Variants in DNAH5 observed in about 807,000 individuals in gnomAD.
DNAH5 encodes axonemal beta dynein heavy chain 5.
A neutral mutation model predicts 518.2 loss-of-function variants in DNAH5; 372 were observed. The observed-to-expected ratio is 0.72, with a 90% confidence interval of 0.66 to 0.78. DNAH5 has a LOEUF of 0.78. Among genes scored for constraint, DNAH5 ranks in the 30% least tolerant of loss-of-function variants. The probability of loss-of-function intolerance (pLI) is 0.00; values close to 1 mark genes in which losing one functional copy is unlikely to be tolerated. For synonymous variants in DNAH5, 2,039 were observed against 2,025.9 expected (o/e 1.01, Z -0.17); for missense variants, 5,523 against 5,687.0 (o/e 0.97, Z 0.93).
intron 61 of DNAH5, among the ~76,000 whole-genome samples, chr5:13,758,247 T>C (rs1437737527): frequency 6.6e-6 from 1 of 152,158 alleles, no homozygotes; most frequent in African/African-American, 2.4e-5. Context: ...CTCACACCTG[T>C]AATCCCAACC....
chr5:13,963,140 T>C (rs896271214), intron 1 of DNAH5, among the ~76,000 whole-genome samples: 10 of 152,100 alleles, frequency 6.6e-5, no homozygotes, highest in Admixed American at 3.9e-4. Context: ...TAAAAAGCCA[T>C]ATTTGCTCAT....
chr5:13,921,473 T>TCTCA lies in DNAH5; in HGVS notation c.660+630_660+633dup, dbSNP rs1554103972. ...CTCTCTCTCTCTTGCTCTATCTCTC[T>TCTCA]CTCACACACACACACACACACACAC... On this transcript the variant is annotated intron_variant, in intron 5 of 78. Transcript: ENST00000265104. Among the ~76,000 whole-genome samples the TCTCA allele has an allele frequency of 3.3e-3, 191 of 57,816 alleles. 1 individual carries two copies. Among genetic ancestry groups the TCTCA allele is most frequent in the African/African-American group, 0.01 (157 of 15,430 alleles). The allele number at this position is 57,816 out of a possible 152,430, so 37.9% of individuals were successfully genotyped here.
intron 61 of DNAH5, among the ~76,000 whole-genome samples, chr5:13,756,520 G>A (rs1264796023): frequency 6.6e-6 from 1 of 152,136 alleles, no homozygotes; most frequent in African/African-American, 2.4e-5. Context: ...ATAATAAAGT[G>A]AGAAGGTAAA....
At chr5:13,842,476 A>AAAGAAAGAAAGT (rs1765394980) in intron 32 of DNAH5, among the ~76,000 whole-genome samples, 1 of 123,032 alleles carries the variant, frequency 8.1e-6, no homozygotes, top group Non-Finnish European at 1.7e-5. Flanking sequence ...AGAAAGAAAG[A>AAAGAAAGAAAGT]AAGAAAGAGA....
intron 1 of DNAH5, among the ~76,000 whole-genome samples, chr5:13,962,993 C>T (rs1164622476): frequency 6.6e-6 from 1 of 152,142 alleles, no homozygotes; most frequent in Non-Finnish European, 1.5e-5. Flanking sequence ...GTCCCAAGAG[C>T]AGGGAGCATC....
chr5:13,738,600 T>G (rs915823937), intron 65 of DNAH5, among the ~76,000 whole-genome samples: 16 of 152,142 alleles, frequency 1.1e-4, no homozygotes, highest in African/African-American at 3.9e-4. Context: ...CTTTTCTTCC[T>G]CTTGGCAGCT....
intron 19 of DNAH5, among the ~76,000 whole-genome samples, chr5:13,883,884 A>G (rs752457684): frequency 3.3e-5 from 5 of 152,178 alleles, no homozygotes; most frequent in Non-Finnish European, 5.9e-5. Context: ...CAGAGTTTCC[A>G]CTTTTATTTA....
intron 30 of DNAH5, among the ~76,000 whole-genome samples, chr5:13,853,658 C>A (rs1005186513): frequency 6.6e-6 from 1 of 151,804 alleles, no homozygotes; most frequent in East Asian, 1.9e-4. Flanking sequence ...CTAGAATAAC[C>A]AATTTAGAGA....
chr5:13,810,403 A>G, intron 44 of DNAH5, 143 bp from the exon 45 acceptor site: 1 of 767,748 alleles, frequency 1.3e-6, no homozygotes. Context: ...CAACTGGAGA[A>G]CAAATGAAGA....
Position 13,844,873 on chromosome 5 carries a change from C to G in DNAH5, c.5235G>C (p.Val1745=). The G allele has an allele frequency of 6.2e-7, 1 of 1,614,204 alleles. No individual in the cohort carries two copies. Among genetic ancestry groups the G allele is most frequent in the Non-Finnish European group, 8.5e-7 (1 of 1,180,042 alleles). ...SHTIQAHLLN[V]FDNIKSVKFH... ...ACTTGACAGATTTAATGTTGTCAAA[C>G]ACATTCAGCAAATGGGCCTGTATAG... Residue 1745 remains valine, a synonymous_variant, in exon 32 of 79, where the codon GTG becomes GTC. Coordinates refer to ENST00000265104, the MANE Select transcript of DNAH5 (RefSeq NM_001369.3).
intron 47 of DNAH5, among the ~76,000 whole-genome samples, chr5:13,796,532 T>G (rs1201592015): frequency 2.6e-5 from 4 of 152,050 alleles, no homozygotes; most frequent in Admixed American, 6.5e-5. Flanking sequence ...TACAAACCAC[T>G]GCGCCACGAA....
intron 78 of DNAH5, among the ~76,000 whole-genome samples, chr5:13,695,449 T>C (rs1031098414): frequency 9.9e-5 from 15 of 152,192 alleles, no homozygotes; most frequent in Non-Finnish European, 2.1e-4. Flanking sequence ...TGTCCTCATT[T>C]TGAGTTTAGC....
At chr5:13,900,540 C>T in intron 14 of DNAH5, 128 bp from the exon 15 acceptor site, 1 of 778,190 alleles carries the variant, frequency 1.3e-6, no homozygotes, top group Non-Finnish European at 2.2e-6. Flanking sequence ...AAATTAAGGG[C>T]AATAAGATCA....
chr5:13,887,085 T>A (rs1311068393), intron 17 of DNAH5, among the ~76,000 whole-genome samples: 1 of 152,182 alleles, frequency 6.6e-6, no homozygotes, highest in African/African-American at 2.4e-5. Flanking sequence ...TTTTTTAAAG[T>A]CTGAATCTTA....
rs2151905567 is a variant in DNAH5 at position 13,862,558 on chromosome 5, G to A, written c.4786C>T (p.Leu1596=). The A allele has an allele frequency of 6.2e-7, 1 of 1,613,972 alleles. No homozygotes were observed. The highest frequency in any genetic ancestry group is 8.5e-7 in the Non-Finnish European group (1 of 1,179,926). Reference sequence around the variant, plus strand: ...AGATGGTTTTCCCACCTGTTGCTCAGTAGGGATCCCAGCAACATCAAGCTG... The same window carrying A: ...AGATGGTTTTCCCACCTGTTGCTCAATAGGGATCCCAGCAACATCAAGCTG... The part of the protein sequence containing the change: ...EDSLMLLGSL[L]SNRYNMPFKA... Residue 1596 remains leucine (L), a synonymous_variant, in exon 29 of 79, where the codon CTG becomes TTG. Coordinates refer to ENST00000265104, the MANE Select transcript of DNAH5 (RefSeq NM_001369.3).
chr5:13,831,318 C>T (rs947725362), intron 35 of DNAH5, among the ~76,000 whole-genome samples: 1 of 152,216 alleles, frequency 6.6e-6, no homozygotes, highest in Non-Finnish European at 1.5e-5. Context: ...CTTTCAATTG[C>T]ATCTTACTAT....
upstream of DNAH5, among the ~76,000 whole-genome samples, chr5:13,949,372 C>A (rs1780188236): frequency 6.6e-6 from 1 of 152,062 alleles, no homozygotes; most frequent in Non-Finnish European, 1.5e-5. Context: ...AATAAAGGAA[C>A]CAATAATATA....
chr5:13,973,772 T>C lies in DNAH5; in HGVS notation c.12+37876A>G, dbSNP rs1048183110. Among the ~76,000 whole-genome samples the C allele has an allele frequency of 4.7e-5, 7 of 148,054 alleles. No homozygotes were observed. In the East Asian group the frequency reaches 9.8e-4, roughly 21 times the overall value. Reference sequence around the variant, plus strand: ...TGGCAAATAGAACCAAAGAAGGTCATAAACAGAAGGCTCTCGTGTGCGAAT... The same window carrying C: ...TGGCAAATAGAACCAAAGAAGGTCACAAACAGAAGGCTCTCGTGTGCGAAT... On this transcript the variant is annotated intron_variant, in intron 1 of 78. Transcript: ENST00000681290.
intron 1 of DNAH5, among the ~76,000 whole-genome samples, chr5:13,998,105 A>C (rs1217525913): frequency 6.6e-6 from 1 of 152,090 alleles, no homozygotes; most frequent in Non-Finnish European, 1.5e-5. Context: ...CAGCCTCCCA[A>C]AGTGCTGGGA....
Sources: allele counts gnomAD v4.1 joint callset (sites outside exome capture counted in the v4.1 genomes callset), GRCh38; gene constraint gnomAD v4.1.1; transcripts MANE v1.5; gene names NCBI Gene and HGNC (gene_info 2026-07-23, HGNC 2026-07-21).